Variants in BAZ2B observed in about 807,000 individuals in gnomAD.
The protein encoded by BAZ2B is bromodomain adjacent to zinc finger domain protein 2B.
BAZ2B carries 91 observed loss-of-function variants against 246.0 expected under a neutral mutation model. The observed-to-expected ratio is 0.37, with a 90% CI of 0.31 to 0.44. BAZ2B has a LOEUF of 0.44. BAZ2B is among the 20% of genes least tolerant of loss of function. BAZ2B has a pLI of 1.00. For missense variants in BAZ2B, 2,332 were observed against 2,533.7 expected (o/e 0.92, Z 1.71); for synonymous variants, 855 against 860.0 (o/e 0.99, Z 0.10).
intron 13 of BAZ2B, among the ~76,000 whole-genome samples, chr2:159,413,828 G>C (rs1034126351): frequency 6.6e-6 from 1 of 152,088 alleles, no homozygotes; most frequent in African/African-American, 2.4e-5. Context: ...ATGTAAATAA[G>C]TACAACCACT....
At chr2:159,707,696 G>A in the BAZ2B span, among the ~76,000 whole-genome samples, 52 of 152,130 alleles carry the variant, frequency 3.4e-4, no homozygotes, top group African/African-American at 8.2e-4. Context: ...GCATTGTGGT[G>A]CATGCCTGTA....
the BAZ2B span, among the ~76,000 whole-genome samples, chr2:159,698,121 T>G: frequency 2.6e-5 from 4 of 152,202 alleles, no homozygotes; most frequent in African/African-American, 4.8e-5. Context: ...GATTATAAAT[T>G]TGCCCAGTAC....
At chr2:159,401,015 C>T (rs1401056301) in intron 16 of BAZ2B, among the ~76,000 whole-genome samples, 2 of 151,916 alleles carry the variant, frequency 1.3e-5, no homozygotes, top group African/African-American at 2.4e-5. Context: ...TGCACTCCAG[C>T]CTGGGCGACA....
the BAZ2B span, among the ~76,000 whole-genome samples, chr2:159,708,076 C>T: frequency 8.1e-3 from 1,228 of 151,996 alleles, 21 homozygotes; most frequent in African/African-American, 0.028. Flanking sequence ...TTTGGGAGGC[C>T]GGGGAGGGAG....
the BAZ2B span, among the ~76,000 whole-genome samples, chr2:159,628,038 G>A: frequency 1.3e-5 from 2 of 152,250 alleles, no homozygotes; most frequent in East Asian, 1.9e-4. Flanking sequence ...GAGAAACAGA[G>A]AGCCAAATCA....
chr2:159,662,464 A>T, the BAZ2B span, among the ~76,000 whole-genome samples: 1 of 152,156 alleles, frequency 6.6e-6, no homozygotes. Context: ...CCAGCACCAT[A>T]TGAGAGGTTC....
intron 3 of BAZ2B, among the ~76,000 whole-genome samples, chr2:159,465,938 T>C (rs1441846341): frequency 1.2e-4 from 18 of 151,556 alleles, no homozygotes; most frequent in Admixed American, 1.2e-3. Context: ...TTCAAGAGAC[T>C]TTATTTAGGA....
At chr2:159,518,092 T>TG (rs1229039065) in intron 2 of BAZ2B, among the ~76,000 whole-genome samples, 1 of 152,184 alleles carries the variant, frequency 6.6e-6, no homozygotes, top group African/African-American at 2.4e-5. Flanking sequence ...AAACAAAATT[T>TG]TAAATCAGAA....
the BAZ2B span, among the ~76,000 whole-genome samples, chr2:159,667,311 T>C: frequency 1.3e-5 from 2 of 151,958 alleles, no homozygotes; most frequent in African/African-American, 4.8e-5. Context: ...GAAAGGACTC[T>C]CCAGCCAGAC....
intron 34 of BAZ2B, among the ~76,000 whole-genome samples, chr2:159,327,171 C>T (rs1198712193): frequency 2.0e-5 from 3 of 152,016 alleles, no homozygotes; most frequent in East Asian, 3.9e-4. Context: ...CCCATATCAG[C>T]CACCCGAGTA....
chr2:159,372,809 A>G (rs575458718), intron 27 of BAZ2B, among the ~76,000 whole-genome samples: 4 of 152,336 alleles, frequency 2.6e-5, no homozygotes, highest in African/African-American at 9.6e-5. Context: ...CTGTCCACCA[A>G]AGAAAGAAAG....
At chr2:159,606,460 G>A (rs1157517634) in intron 1 of BAZ2B, among the ~76,000 whole-genome samples, 1 of 152,080 alleles carries the variant, frequency 6.6e-6, no homozygotes, top group Non-Finnish European at 1.5e-5. Context: ...TGCTTCCTAT[G>A]TCATCACAAT....
intron 13 of BAZ2B, among the ~76,000 whole-genome samples, chr2:159,422,919 T>C (rs13022220): frequency 0.33 from 50,444 of 152,006 alleles, 9,944 homozygotes; most frequent in Non-Finnish European, 0.47. Flanking sequence ...AAAAGATACA[T>C]GGAGCCAACA....
At chr2:159,581,146 G>A (rs948279757) in intron 1 of BAZ2B, among the ~76,000 whole-genome samples, 2 of 151,910 alleles carry the variant, frequency 1.3e-5, no homozygotes, top group African/African-American at 4.8e-5. Flanking sequence ...CAGAATGGGA[G>A]AAAATTTTTA....
At chr2:159,529,912 T>G (rs1402025819) in intron 2 of BAZ2B, among the ~76,000 whole-genome samples, 1 of 152,208 alleles carries the variant, frequency 6.6e-6, no homozygotes, top group Non-Finnish European at 1.5e-5. Flanking sequence ...GTATTTTCAC[T>G]TATGATTTTG....
chr2:159,508,481 C>T (rs2082569549), intron 2 of BAZ2B, among the ~76,000 whole-genome samples: 2 of 152,124 alleles, frequency 1.3e-5, no homozygotes, highest in Non-Finnish European at 2.9e-5. Context: ...CAAGTGGAAA[C>T]TTATTTCCCA....
intron 16 of BAZ2B, 124 bp downstream of exon 16, chr2:159,404,725 T>C (rs2065628504): frequency 1.2e-6 from 1 of 855,858 alleles, no homozygotes; most frequent in South Asian, 2.2e-5. Flanking sequence ...AGCAACTTTC[T>C]AAATAAGACA....
intron 1 of BAZ2B, among the ~76,000 whole-genome samples, chr2:159,590,187 CAAAAAAAAAAAAAAAAAAAAAAAAAAAAA>C (rs552786270): frequency 1.5e-4 from 3 of 20,310 alleles, no homozygotes; most frequent in African/African-American, 7.4e-4. Context: ...GACTCCATCT[CAAAAAAAAAAAAAAAAAAAAAAAAAAAAA>C]AAAAAAAAAA....
At chr2:159,530,387 T>C (rs2085251923) in intron 2 of BAZ2B, among the ~76,000 whole-genome samples, 1 of 152,214 alleles carries the variant, frequency 6.6e-6, no homozygotes, top group Non-Finnish European at 1.5e-5. Flanking sequence ...ATATTCCCCT[T>C]AAAACGGAAA....
Sources: allele counts gnomAD v4.1 joint callset (sites outside exome capture counted in the v4.1 genomes callset), GRCh38; gene constraint gnomAD v4.1.1; transcripts MANE v1.5; gene names NCBI Gene and HGNC (gene_info 2026-07-23, HGNC 2026-07-21).